The following PANK2 variants were observed in gnomAD, a reference collection of about 807,000 sequenced individuals.
PANK2 encodes pantothenate kinase 2.
PANK2 carries 36 observed loss-of-function variants against 43.1 expected under a neutral mutation model. That is an observed-to-expected ratio of 0.84 (90% CI 0.64 to 1.10). The LOEUF is 1.10. Ranked by LOEUF, PANK2 falls within the 50% of genes least tolerant of loss-of-function variation. The pLI is 0.00. For missense variants in PANK2, 576 were observed against 593.3 expected (o/e 0.97, Z 0.30); for synonymous variants, 281 against 238.2 (o/e 1.18, Z -1.66).
At chr20:3,903,016 CA>C (rs2090328403) in intron 1 of PANK2, among the ~76,000 whole-genome samples, 1 of 141,448 alleles carries the variant, frequency 7.1e-6, no homozygotes, top group African/African-American at 2.6e-5. Flanking sequence ...CACACACACA[CA>C]CCCCTTTTAC....
At chr20:3,890,686 G>T (rs1489268552) in intron 1 of PANK2, among the ~76,000 whole-genome samples, 1 of 152,184 alleles carries the variant, frequency 6.6e-6, no homozygotes, top group Non-Finnish European at 1.5e-5. Flanking sequence ...AGGGAAAATG[G>T]CAAGATGTGA....
intron 5 of PANK2, chr20:3,917,436 G>C: frequency 1.9e-6 from 1 of 535,126 alleles, no homozygotes; most frequent in Non-Finnish European, 3.8e-6. Context: ...GCTGGGAGAA[G>C]ACTGAGCAGG....
intron 1 of PANK2, among the ~76,000 whole-genome samples, chr20:3,890,165 A>G (rs577403934): frequency 1.3e-5 from 2 of 152,188 alleles, no homozygotes; most frequent in East Asian, 1.9e-4. Context: ...TTATTCGTCA[A>G]TTTCGGGCTT....
Position 3,902,189 on chromosome 20 carries a change from CAG to C in PANK2, c.299-5734_299-5733del, listed in dbSNP as rs1388343520. On this transcript the variant is annotated intron_variant, in intron 1 of 6. Coordinates refer to ENST00000610179, the MANE Select transcript of PANK2 (RefSeq NM_001386393.1). ...TTTTTTTTTTTTTTTTAGTTAGAGACAGAGTCTCAGTCTGTTACCCAGGCTGG... is the reference window on the plus strand; with the variant it reads ...TTTTTTTTTTTTTTTTAGTTAGAGACAGTCTCAGTCTGTTACCCAGGCTGG... Among the ~76,000 whole-genome samples the C allele has an allele frequency of 2.7e-5, 4 of 146,822 alleles. 1 individual carries two copies. Among genetic ancestry groups the C allele is most frequent in the African/African-American group, 5.0e-5 (2 of 39,644 alleles).
intron 6 of PANK2, 64 bp downstream of exon 6, chr20:3,918,860 G>A: frequency 6.2e-7 from 1 of 1,611,918 alleles, no homozygotes; most frequent in East Asian, 2.2e-5. Flanking sequence ...ACACTGTCAT[G>A]GAACTTGAGG....
At chr20:3,891,540 C>G (rs1439989685) in intron 1 of PANK2, 1 of 152,208 alleles carries the variant, frequency 6.6e-6, no homozygotes, top group Non-Finnish European at 1.5e-5. Context: ...CGGTGGACCA[C>G]TGTGTTTTTC....
At chr20:3,916,335 C>T (rs1184349530) in intron 4 of PANK2, among the ~76,000 whole-genome samples, 1 of 152,202 alleles carries the variant, frequency 6.6e-6, no homozygotes, top group African/African-American at 2.4e-5. Context: ...GTTTTAGGCA[C>T]TTGGTCAATG....
At chr20:3,919,850 A>G (rs2090620676) in intron 6 of PANK2, among the ~76,000 whole-genome samples, 1 of 152,260 alleles carries the variant, frequency 6.6e-6, no homozygotes, top group East Asian at 1.9e-4. Flanking sequence ...ATAATAGCAC[A>G]GATTTGAAGT....
At chr20:3,914,041 G>A (rs1013996932) in intron 4 of PANK2, among the ~76,000 whole-genome samples, 8 of 149,716 alleles carry the variant, frequency 5.3e-5, no homozygotes, top group Non-Finnish European at 4.5e-5. Flanking sequence ...CGCCCGCCTT[G>A]GCCTCCCAAA....
At chr20:3,899,394 C>A (rs2090263155) in intron 1 of PANK2, among the ~76,000 whole-genome samples, 1 of 151,380 alleles carries the variant, frequency 6.6e-6, no homozygotes, top group East Asian at 2.0e-4. Context: ...TGGTCTCGAA[C>A]TCCTAACCTC....
chr20:3,902,754 C>T (rs866863554), intron 1 of PANK2, among the ~76,000 whole-genome samples: 2 of 151,702 alleles, frequency 1.3e-5, no homozygotes, highest in Non-Finnish European at 2.9e-5. Flanking sequence ...CTATATTGAC[C>T]TTTCTTTCAT....
rs117284964 is a variant in PANK2 at position 3,911,030 on chromosome 20, G to A, written c.905+200G>A. Among the ~76,000 whole-genome samples, 2,607 of 152,254 alleles carry A rather than the reference G, an allele frequency of 0.017. 34 individuals are homozygous for A. Among genetic ancestry groups the A allele is most frequent in the Admixed American group, 0.03 (462 of 15,290 alleles). ...TACTGTTCAAGATTTATTATCCTAGGTGTTTCTTAAAAGATCACATCAGCA... is the reference window on the plus strand; with the variant it reads ...TACTGTTCAAGATTTATTATCCTAGATGTTTCTTAAAAGATCACATCAGCA... On this transcript the variant is annotated intron_variant, in intron 3 of 6. Transcript: ENST00000610179.
intron 1 of PANK2, among the ~76,000 whole-genome samples, chr20:3,903,906 C>T (rs2090346104): frequency 6.6e-6 from 1 of 152,008 alleles, no homozygotes; most frequent in Non-Finnish European, 1.5e-5. Context: ...GGATTACAGG[C>T]GTGAGCCACT....
chr20:3,921,262 C>G (rs991111091), intron 6 of PANK2: 3 of 151,294 alleles, frequency 2.0e-5, no homozygotes, highest in African/African-American at 7.3e-5. Flanking sequence ...CAAGTGTTCT[C>G]ATTGTTCAGT....
In PANK2 at chr20:3,889,393, G is replaced by T. The variant is rs1033901089; in HGVS notation, c.-38G>T. 6.4e-7 allele frequency: 1 copy of T among 1,574,798 alleles called. No individual in the cohort carries two copies. Among genetic ancestry groups the T allele is most frequent in the South Asian group, 1.2e-5 (1 of 86,706 alleles). ...CGGCCGAGGGCGCGCCTCTGCTCTG[G>T]CTGGACTGCCGCGGAGGAGGCGAGA... On this transcript the variant is annotated 5_prime_UTR_variant, in exon 1 of 7. Transcript: ENST00000610179.
Position 3,908,890 on chromosome 20 carries a change from A to G in PANK2, c.651+612A>G, listed in dbSNP as rs557197862. 1.5e-3 allele frequency: 243 copies of G among 157,006 alleles called. 1 individual carries two copies. Among genetic ancestry groups the G allele is most frequent in the African/African-American group, 5.6e-3 (233 of 41,542 alleles). The allele number at this position is 157,006 out of a possible 1,614,324, so 9.7% of individuals were successfully genotyped here. A position where few individuals can be genotyped will look rare whatever the true frequency, so the allele number is the denominator to read the frequency against. On this transcript the variant is annotated intron_variant, in intron 2 of 6. Coordinates refer to ENST00000610179, the MANE Select transcript of PANK2 (RefSeq NM_001386393.1). Reference sequence around the variant, plus strand: ...CGCTCTATCTTGCTTTCATTGAGTGAACACTGGAGAACATTGTGAGCAAGA... The same window carrying G: ...CGCTCTATCTTGCTTTCATTGAGTGGACACTGGAGAACATTGTGAGCAAGA...
intron 1 of PANK2, among the ~76,000 whole-genome samples, chr20:3,897,451 A>G (rs2090227929): frequency 6.6e-6 from 1 of 152,186 alleles, no homozygotes; most frequent in Admixed American, 6.5e-5. Flanking sequence ...CTGTAATCTC[A>G]GTACTTTGGG....
At chr20:3,918,600 T>G in intron 5 of PANK2, 71 bp from the exon 6 acceptor site, 1 of 1,591,808 alleles carries the variant, frequency 6.3e-7, no homozygotes, top group Non-Finnish European at 8.6e-7. Flanking sequence ...CATGGTGCTG[T>G]ATTTGGGGTA....
Position 3,923,470 on chromosome 20 carries a change from C to A in PANK2, c.*176C>A. The A allele has an allele frequency of 2.9e-6, 2 of 683,500 alleles. No homozygotes were observed. Among genetic ancestry groups the A allele is most frequent in the East Asian group, 2.7e-5 (1 of 36,766 alleles). The allele number at this position is 683,500 out of a possible 1,614,324, so 42.3% of individuals were successfully genotyped here. A position where few individuals can be genotyped will look rare whatever the true frequency, so the allele number is the denominator to read the frequency against. On this transcript the variant is annotated 3_prime_UTR_variant, in exon 7 of 7. Transcript: ENST00000610179. ...TTAAGAATTCAGTCTAAATTAGCAACCAGGAAGGAAAAATATATTAAAAAC... is the reference window on the plus strand; with the variant it reads ...TTAAGAATTCAGTCTAAATTAGCAAACAGGAAGGAAAAATATATTAAAAAC...
Sources: allele counts gnomAD v4.1 joint callset (sites outside exome capture counted in the v4.1 genomes callset), GRCh38; gene constraint gnomAD v4.1.1; transcripts MANE v1.5; gene names NCBI Gene and HGNC (gene_info 2026-07-23, HGNC 2026-07-21).